Variants in ZNF777 observed in about 807,000 individuals in gnomAD.
ZNF777 encodes the protein zinc finger protein 777.
A neutral mutation model predicts 72.1 loss-of-function variants in ZNF777; 7 were observed. The ratio of observed to expected loss-of-function variants is 0.10; its 90% CI spans 0.06 to 0.18. The LOEUF (loss-of-function observed/expected upper bound fraction) is 0.18. Among genes scored for constraint, ZNF777 ranks in the 10% least tolerant of loss-of-function variants. ZNF777 has a pLI of 1.00. For missense variants in ZNF777, 828 were observed against 1,128.6 expected (o/e 0.73, Z 3.82); for synonymous variants, 545 against 483.5 (o/e 1.13, Z -1.67).
intron 5 of ZNF777, among the ~76,000 whole-genome samples, chr7:149,433,613 C>A (rs886846277): frequency 9.9e-5 from 15 of 152,200 alleles, no homozygotes; most frequent in African/African-American, 3.6e-4. Context: ...AAACCTACAG[C>A]ACTCCACCCC....
At chr7:149,457,193 C>T (rs1351651130) in intron 1 of ZNF777, among the ~76,000 whole-genome samples, 1 of 152,168 alleles carries the variant, frequency 6.6e-6, no homozygotes, top group Non-Finnish European at 1.5e-5. Context: ...ATACTCACAT[C>T]GAGAGAATTC....
intron 4 of ZNF777, among the ~76,000 whole-genome samples, chr7:149,441,100 C>T (rs867238694): frequency 4.6e-5 from 7 of 152,208 alleles, no homozygotes; most frequent in African/African-American, 1.4e-4. Flanking sequence ...CAGCAGGGAA[C>T]GCCAGCGTTT....
chr7:149,450,930 T>G, intron 4 of ZNF777, 69 bp downstream of exon 4: 4 of 1,420,006 alleles, frequency 2.8e-6, no homozygotes, highest in Non-Finnish European at 3.9e-6. Flanking sequence ...TTGTGCTGCC[T>G]CATGCTGGCG....
chr7:149,454,045 T>G, intron 3 of ZNF777, 66 bp downstream of exon 3: 2 of 1,600,530 alleles, frequency 1.2e-6, no homozygotes, highest in Non-Finnish European at 1.7e-6. Context: ...CAGAACTCCC[T>G]AAGTTTATGA....
chr7:149,435,327 T>G (rs1799391887), intron 5 of ZNF777, among the ~76,000 whole-genome samples: 1 of 152,092 alleles, frequency 6.6e-6, no homozygotes, highest in Non-Finnish European at 1.5e-5. Context: ...TGCGCCACCA[T>G]TCCCGGCTAA....
In ZNF777 at chr7:149,455,080, T is replaced by G; in HGVS notation, c.846+97A>C. The G allele has an allele frequency of 6.9e-7, 1 of 1,453,606 alleles. No individual in the cohort carries two copies. Among genetic ancestry groups the G allele is most frequent in the Middle Eastern group, 1.8e-4 (1 of 5,482 alleles). The allele number at this position is 1,453,606 out of a possible 1,614,324, so 90.0% of individuals were successfully genotyped here. A position where few individuals can be genotyped will look rare whatever the true frequency, so the allele number is the denominator to read the frequency against. On this transcript the variant is annotated intron_variant, in intron 2 of 5. Transcript: ENST00000247930. This position sits in a 1 kb window ranked among gnomAD's most constrained non-coding sequence, Gnocchi z 4.2. The stretch of plus-strand genomic sequence containing the variant: ...AACTGGGATCACTGTATTTTTTCCT[T>G]TATCAACCACCCCTTTCTTTCATAT...
At chr7:149,434,571 T>G (rs1254625000) in intron 5 of ZNF777, among the ~76,000 whole-genome samples, 2 of 152,070 alleles carry the variant, frequency 1.3e-5, no homozygotes, top group Non-Finnish European at 2.9e-5. Context: ...CAAAGGTGCT[T>G]ATTTCTTTTT....
intron 1 of ZNF777, among the ~76,000 whole-genome samples, chr7:149,458,536 CA>C: frequency 6.6e-6 from 1 of 152,138 alleles, no homozygotes; most frequent in Non-Finnish European, 1.5e-5. Context: ...CAAAACAAAA[CA>C]AAACAAAACC....
intron 4 of ZNF777, among the ~76,000 whole-genome samples, chr7:149,449,203 C>T (rs1040315973): frequency 3.3e-5 from 5 of 152,162 alleles, no homozygotes; most frequent in African/African-American, 1.2e-4. Context: ...TGAGGGGCAG[C>T]GGTACCTATG....
chr7:149,438,442 G>A (rs909841267), intron 4 of ZNF777, among the ~76,000 whole-genome samples: 7 of 152,314 alleles, frequency 4.6e-5, no homozygotes, highest in Middle Eastern at 3.4e-3. Context: ...GTGAACAAAT[G>A]TTTACTGCAA....
chr7:149,457,054 G>A (rs539856141), intron 1 of ZNF777, among the ~76,000 whole-genome samples: 33 of 152,162 alleles, frequency 2.2e-4, no homozygotes, highest in Admixed American at 3.9e-4. Context: ...CTGGAAGGAT[G>A]GGGAAGTAGA....
chr7:149,460,164 C>T lies in ZNF777; in HGVS notation c.-16+651G>A, dbSNP rs1391756930. ...TCGGCCATGGCCCTGCGCTGTCCGGCCCGGGCCCCCGGAGTCGCCGCCGCT... is the reference window on the plus strand; with the variant it reads ...TCGGCCATGGCCCTGCGCTGTCCGGTCCGGGCCCCCGGAGTCGCCGCCGCT... On this transcript the variant is annotated intron_variant, in intron 1 of 5. Coordinates refer to ENST00000247930, the MANE Select transcript of ZNF777 (RefSeq NM_015694.3). The surrounding 1 kb of genome is among the most constrained non-coding windows in gnomAD (Gnocchi z 6.1). The T allele has an allele frequency of 2.1e-6, 2 of 942,828 alleles. No individual in the cohort carries two copies. The highest frequency in any genetic ancestry group is 2.5e-6 in the Non-Finnish European group (2 of 793,768). The allele number at this position is 942,828 out of a possible 1,614,324, so 58.4% of individuals were successfully genotyped here. A position where few individuals can be genotyped will look rare whatever the true frequency, so the allele number is the denominator to read the frequency against.
In ZNF777 at chr7:149,438,368, G is replaced by A. The variant is rs1434314028; in HGVS notation, c.1088-1542C>T. Among the ~76,000 whole-genome samples the A allele has an allele frequency of 4.6e-5, 7 of 152,146 alleles. No individual in the cohort carries two copies. In the South Asian group the frequency reaches 6.2e-4, roughly 14 times the overall value. ...TATATTCCATGGTCAGGATAATACC[G>A]TGGCTTATTCATTCTTTCCCTAACA... On this transcript the variant is annotated intron_variant, in intron 4 of 5. Coordinates refer to ENST00000247930, the MANE Select transcript of ZNF777 (RefSeq NM_015694.3).
intron 1 of ZNF777, chr7:149,459,564 G>A: frequency 3.3e-6 from 3 of 916,142 alleles, no homozygotes; most frequent in Non-Finnish European, 3.9e-6. Context: ...TCACCCAGGG[G>A]CGGCCGCCGC....
chr7:149,431,675 TG>T lies in ZNF777; in HGVS notation c.*100del, dbSNP rs754120292. The T allele has an allele frequency of 2.8e-5, 31 of 1,095,864 alleles. No homozygotes were observed. Among genetic ancestry groups the T allele is most frequent in the Non-Finnish European group, 3.1e-5 (27 of 874,584 alleles). 67.9% of individuals were successfully genotyped at this position (1,095,864 alleles called of 1,614,324 possible). On this transcript the variant is annotated 3_prime_UTR_variant, in exon 6 of 6. Transcript: ENST00000247930. ...GAGGGGGAGCTCACGGCAAAGGGGC[TG>T]GGGGGCGCCCCGCCCCCGCCCGCTG... is the stretch of plus-strand genomic sequence containing the variant.
At chr7:149,459,997 C>G (rs1408843311) in intron 1 of ZNF777, 18 of 963,418 alleles carry the variant, frequency 1.9e-5, no homozygotes, top group Non-Finnish European at 2.0e-5. Flanking sequence ...CCCCCACCCC[C>G]CGCGCCAACG....
intron 4 of ZNF777, among the ~76,000 whole-genome samples, chr7:149,439,131 A>G (rs1799466111): frequency 6.6e-6 from 1 of 151,618 alleles, no homozygotes; most frequent in Admixed American, 6.6e-5. Context: ...TCCTCCTGTC[A>G]CTGAACTCCT....
At chr7:149,446,471 A>G (rs1368235285) in intron 4 of ZNF777, among the ~76,000 whole-genome samples, 2 of 152,238 alleles carry the variant, frequency 1.3e-5, no homozygotes, top group African/African-American at 2.4e-5. Context: ...TTTAAAAAAT[A>G]TATTTTTACT....
intron 5 of ZNF777, among the ~76,000 whole-genome samples, chr7:149,434,831 G>A (rs1259022458): frequency 6.6e-5 from 10 of 152,098 alleles, no homozygotes; most frequent in African/African-American, 2.2e-4. Context: ...GATCCGATCC[G>A]CCTGCCCCAG....
Sources: gnomAD v4.1 joint callset for allele counts (sites outside exome capture counted in the v4.1 genomes callset) on GRCh38, gnomAD v4.1.1 for gene constraint, Gnocchi (gnomAD v3.1) non-coding constraint, MANE v1.5 for transcripts, NCBI Gene and HGNC (gene_info 2026-07-23, HGNC 2026-07-21) for gene names.